The following ATAD1 variants were observed in gnomAD, a reference collection of about 807,000 sequenced individuals.
ATAD1 encodes the protein outer mitochondrial transmembrane helix translocase.
Under a neutral mutation model 42.7 loss-of-function variants are expected in ATAD1, and 18 were observed. That is an observed-to-expected ratio of 0.42 (90% CI 0.29 to 0.63). The LOEUF (loss-of-function observed/expected upper bound fraction) is 0.63. ATAD1 is among the 20% of genes least tolerant of loss of function. The probability of loss-of-function intolerance (pLI) is 0.19; values close to 1 mark genes in which losing one functional copy is unlikely to be tolerated. For synonymous variants in ATAD1, 132 were observed against 143.1 expected, an observed-to-expected ratio of 0.92 and a Z score of 0.55; for missense variants, 294 against 440.4, an observed-to-expected ratio of 0.67 and a Z score of 2.98.
intron 2 of ATAD1, among the ~76,000 whole-genome samples, chr10:87,811,010 T>G (rs940576428): frequency 2.6e-5 from 4 of 152,168 alleles, no homozygotes; most frequent in Admixed American, 2.0e-4. Context: ...ACCTGCATTC[T>G]TTACTTTGTT....
At chr10:87,791,909 T>C (rs1368141515) in intron 3 of ATAD1, among the ~76,000 whole-genome samples, 5 of 152,194 alleles carry the variant, frequency 3.3e-5, no homozygotes, top group Admixed American at 1.3e-4. Context: ...CCAAGGCCAT[T>C]AATGGAAAAC....
intron 8 of ATAD1, among the ~76,000 whole-genome samples, chr10:87,762,200 T>C (rs1282676681): frequency 6.6e-6 from 1 of 152,180 alleles, no homozygotes; most frequent in Non-Finnish European, 1.5e-5. Flanking sequence ...GACCACACTA[T>C]ATTTCAAAAA....
At chr10:87,794,649 C>T (rs978597223) in intron 2 of ATAD1, among the ~76,000 whole-genome samples, 5 of 152,124 alleles carry the variant, frequency 3.3e-5, no homozygotes, top group African/African-American at 1.2e-4. Flanking sequence ...TTTCCCCATC[C>T]CAAATAATTA....
chr10:87,810,948 G>A (rs531671263), intron 2 of ATAD1, among the ~76,000 whole-genome samples: 2 of 152,258 alleles, frequency 1.3e-5, no homozygotes, highest in East Asian at 1.9e-4. Context: ...CAAGGTAAAG[G>A]CTGGCAATCA....
rs1224999423 is a variant in ATAD1 at position 87,753,479 on chromosome 10, C to T, written c.*1208G>A. On this transcript the variant is annotated 3_prime_UTR_variant, in exon 10 of 10. Coordinates refer to ENST00000680024, the MANE Select transcript of ATAD1 (RefSeq NM_001321967.2). Reference sequence around the variant, plus strand: ...CAAGATTGTGTTGTGCCGTTTTCCTCATGCTGCGTGGTTAGGTGCCTATAA... The same window carrying T: ...CAAGATTGTGTTGTGCCGTTTTCCTTATGCTGCGTGGTTAGGTGCCTATAA... The T allele has an allele frequency of 6.6e-6, 1 of 152,250 alleles. No homozygotes were observed. The highest frequency in any genetic ancestry group is 1.9e-4 in the East Asian group (1 of 5,180). The allele number at this position is 152,250 out of a possible 1,614,324, so 9.4% of individuals were successfully genotyped here. A position where few individuals can be genotyped will look rare whatever the true frequency, so the allele number is the denominator to read the frequency against.
chr10:87,792,427 T>C (rs1050981068), intron 3 of ATAD1, among the ~76,000 whole-genome samples: 1 of 152,218 alleles, frequency 6.6e-6, no homozygotes, highest in Non-Finnish European at 1.5e-5. Context: ...CTTGGAATCT[T>C]GCGCCTGGCT....
intron 2 of ATAD1, among the ~76,000 whole-genome samples, chr10:87,813,262 A>G (rs139321016): frequency 1.6e-3 from 237 of 152,240 alleles, no homozygotes; most frequent in African/African-American, 5.4e-3. Context: ...TAATATTTTG[A>G]CATCATACTT....
At position 87,836,533 on chromosome 10, in the gene ATAD1, G is replaced by A. The variant is rs146397754; in HGVS notation, c.-14+4654C>T. Among the ~76,000 whole-genome samples, 505 of 152,242 alleles carry A rather than the reference G, an allele frequency of 3.3e-3. 5 individuals are homozygous for A. The highest frequency in any genetic ancestry group is 0.021 in the South Asian group (102 of 4,826). On this transcript the variant is annotated intron_variant, in intron 1 of 4. Transcript: ENST00000495903. ...CATTCTAGCCTCCGTGGTTTCTGATGAGAAATCTGCAGTCATTCACACTGT... is the reference window on the plus strand; with the variant it reads ...CATTCTAGCCTCCGTGGTTTCTGATAAGAAATCTGCAGTCATTCACACTGT...
chr10:87,835,924 A>C (rs1857921421), intron 1 of ATAD1, among the ~76,000 whole-genome samples: 1 of 152,208 alleles, frequency 6.6e-6, no homozygotes, highest in Non-Finnish European at 1.5e-5. Context: ...AAATGTTATA[A>C]TCATTTAGAT....
intron 2 of ATAD1, among the ~76,000 whole-genome samples, chr10:87,814,032 C>T (rs113260844): frequency 5.3e-5 from 8 of 152,106 alleles, no homozygotes; most frequent in South Asian, 2.1e-4. Context: ...TTTAGTGTAG[C>T]TTATAAGTTT....
At chr10:87,776,833 T>C (rs1451514167) in intron 5 of ATAD1, among the ~76,000 whole-genome samples, 1 of 152,090 alleles carries the variant, frequency 6.6e-6, no homozygotes, top group East Asian at 1.9e-4. Flanking sequence ...TAAAACGTTT[T>C]AGATGATGGG....
intron 1 of ATAD1, among the ~76,000 whole-genome samples, chr10:87,836,423 A>G (rs1363548811): frequency 6.6e-6 from 1 of 152,170 alleles, no homozygotes; most frequent in East Asian, 1.9e-4. Flanking sequence ...GTTTATTTCA[A>G]ATTTAATCAT....
At chr10:87,834,182 G>T (rs2132114919) in intron 1 of ATAD1, among the ~76,000 whole-genome samples, 1 of 152,234 alleles carries the variant, frequency 6.6e-6, no homozygotes, top group Non-Finnish European at 1.5e-5. Flanking sequence ...TATACTGATG[G>T]ATTCAATTTG....
chr10:87,840,677 G>A (rs1858016027), intron 1 of ATAD1, among the ~76,000 whole-genome samples: 2 of 152,102 alleles, frequency 1.3e-5, no homozygotes, highest in Non-Finnish European at 2.9e-5. Flanking sequence ...CCCCTTCAGG[G>A]AACAGAATAT....
At chr10:87,823,469 T>G (rs570006172) in intron 1 of ATAD1, among the ~76,000 whole-genome samples, 1 of 152,330 alleles carries the variant, frequency 6.6e-6, no homozygotes, top group South Asian at 2.1e-4. Flanking sequence ...GTAGCCTCAT[T>G]AGCAGAAGTT....
At chr10:87,829,255 T>TTATG (rs1387944203) in intron 1 of ATAD1, among the ~76,000 whole-genome samples, 1 of 150,726 alleles carries the variant, frequency 6.6e-6, no homozygotes, top group Admixed American at 6.7e-5. Flanking sequence ...ATTTATTTAT[T>TTATG]TATTTATTTA....
chr10:87,802,657 G>T (rs1358979608), intron 2 of ATAD1, among the ~76,000 whole-genome samples: 2 of 143,700 alleles, frequency 1.4e-5, no homozygotes, highest in African/African-American at 5.2e-5. Context: ...AAAAAAAAAA[G>T]CCTATGTAAC....
intron 3 of ATAD1, among the ~76,000 whole-genome samples, chr10:87,791,725 T>G (rs887159311): frequency 3.3e-5 from 5 of 152,220 alleles, no homozygotes; most frequent in African/African-American, 1.2e-4. Flanking sequence ...TAGGCAAATA[T>G]TTTCTATTTA....
intron 2 of ATAD1, among the ~76,000 whole-genome samples, chr10:87,796,476 T>G (rs1165092772): frequency 2.6e-5 from 4 of 152,250 alleles, no homozygotes; most frequent in Non-Finnish European, 5.9e-5. Context: ...CAAGTTGTCC[T>G]GCCTTTGTTT....
Sources: gnomAD v4.1 joint callset for allele counts (sites outside exome capture counted in the v4.1 genomes callset) on GRCh38, gnomAD v4.1.1 for gene constraint, MANE v1.5 for transcripts, NCBI Gene and HGNC (gene_info 2026-07-23, HGNC 2026-07-21) for gene names.